SGCZ: variants seen among roughly 807,000 people sequenced by gnomAD.
The protein encoded by SGCZ is sarcoglycan zeta.
A neutral mutation model predicts 41.3 loss-of-function variants in SGCZ; 40 were observed. The observed-to-expected ratio is 0.97, with a 90% CI of 0.75 to 1.26. The LOEUF (loss-of-function observed/expected upper bound fraction) is 1.26, where lower values mean the gene tolerates loss of function less well. Ranked by LOEUF, SGCZ falls within the 50% of genes most tolerant of loss-of-function variation. SGCZ has a pLI of 0.00. For synonymous variants in SGCZ, 206 were observed against 137.5 expected, an observed-to-expected ratio of 1.50 and a Z score of -3.49; for missense variants, 552 against 369.8, an observed-to-expected ratio of 1.49 and a Z score of -4.04.
intron 5 of SGCZ, among the ~76,000 whole-genome samples, chr8:14,160,545 C>G (rs977943260): frequency 6.6e-6 from 1 of 152,114 alleles, no homozygotes; most frequent in African/African-American, 2.4e-5. Flanking sequence ...TTCAGTGATA[C>G]AGAGAGGACA....
intron 1 of SGCZ, among the ~76,000 whole-genome samples, chr8:14,621,750 C>T (rs934946697): frequency 9.2e-5 from 14 of 151,932 alleles, no homozygotes; most frequent in African/African-American, 3.4e-4. Context: ...TGGGGGAAAC[C>T]CACTCCCATG....
At chr8:14,690,065 G>C (rs1808749680) in intron 1 of SGCZ, among the ~76,000 whole-genome samples, 1 of 150,194 alleles carries the variant, frequency 6.7e-6, no homozygotes, top group African/African-American at 2.4e-5. Flanking sequence ...TTGAGAATGA[G>C]ACAAATTCGT....
chr8:14,232,524 A>G (rs1283639240), intron 4 of SGCZ, among the ~76,000 whole-genome samples: 1 of 152,062 alleles, frequency 6.6e-6, no homozygotes, highest in Non-Finnish European at 1.5e-5. Context: ...CTGAGGAAAA[A>G]CAGAAAATGA....
chr8:14,292,977 T>A (rs1037567737), intron 3 of SGCZ, among the ~76,000 whole-genome samples: 1 of 152,000 alleles, frequency 6.6e-6, no homozygotes, highest in Non-Finnish European at 1.5e-5. Context: ...AGTTTTTCAT[T>A]CTTATTTAGG....
intron 1 of SGCZ, among the ~76,000 whole-genome samples, chr8:14,689,396 T>C (rs1392903172): frequency 6.6e-6 from 1 of 152,182 alleles, no homozygotes; most frequent in Non-Finnish European, 1.5e-5. Context: ...AAGATGTATA[T>C]GTCAATAAAC....
intron 1 of SGCZ, among the ~76,000 whole-genome samples, chr8:14,596,888 T>C (rs552945058): frequency 3.3e-5 from 5 of 152,262 alleles, no homozygotes; most frequent in African/African-American, 1.2e-4. Flanking sequence ...ATATTCCATG[T>C]GTTTCTGTTA....
At chr8:14,367,520 A>G (rs544486766) in intron 2 of SGCZ, among the ~76,000 whole-genome samples, 1 of 152,244 alleles carries the variant, frequency 6.6e-6, no homozygotes, top group African/African-American at 2.4e-5. Flanking sequence ...CATGTTATAA[A>G]GAATAAGGGT....
intron 4 of SGCZ, among the ~76,000 whole-genome samples, chr8:14,235,433 C>T (rs1806720952): frequency 6.6e-6 from 1 of 152,302 alleles, no homozygotes; most frequent in Admixed American, 6.5e-5. Context: ...CTCAGCTTAA[C>T]ATTTTTTTCT....
chr8:15,004,507 A>G (rs1802532531), intron 1 of SGCZ, among the ~76,000 whole-genome samples: 1 of 152,182 alleles, frequency 6.6e-6, no homozygotes, highest in Non-Finnish European at 1.5e-5. Context: ...TGGGAATTTC[A>G]AGAAAAAATC....
chr8:14,106,425 C>T (rs1292506173), intron 6 of SGCZ, among the ~76,000 whole-genome samples: 2 of 152,042 alleles, frequency 1.3e-5, no homozygotes, highest in Admixed American at 1.3e-4. Context: ...TGTTGCTCTT[C>T]TAAAATAAGT....
chr8:14,801,462 A>G (rs57411432), intron 1 of SGCZ, among the ~76,000 whole-genome samples: 3,875 of 152,262 alleles, frequency 0.025, 172 homozygotes, highest in African/African-American at 0.089. Context: ...TGTAACAATA[A>G]TTTTCCTATT....
intron 2 of SGCZ, among the ~76,000 whole-genome samples, chr8:14,417,157 G>A (rs1175806498): frequency 6.6e-6 from 1 of 151,812 alleles, no homozygotes; most frequent in East Asian, 1.9e-4. Flanking sequence ...AGATAAAACT[G>A]ACAGTTTCTG....
At chr8:15,193,589 T>C (rs1391811268) in intron 1 of SGCZ, among the ~76,000 whole-genome samples, 2 of 151,928 alleles carry the variant, frequency 1.3e-5, no homozygotes, top group Non-Finnish European at 2.9e-5. Flanking sequence ...AACCAAGAGA[T>C]GGTAGAATAA....
intron 4 of SGCZ, among the ~76,000 whole-genome samples, chr8:14,204,013 T>C (rs908685586): frequency 7.2e-5 from 11 of 151,944 alleles, no homozygotes; most frequent in Non-Finnish European, 1.2e-4. Flanking sequence ...ATAATATTCA[T>C]AAATATATGG....
chr8:15,226,171 C>T (rs1801765669), intron 1 of SGCZ, among the ~76,000 whole-genome samples: 1 of 152,014 alleles, frequency 6.6e-6, no homozygotes, highest in Non-Finnish European at 1.5e-5. Context: ...CCTTGAAATC[C>T]TTCGGACCTA....
intron 2 of SGCZ, among the ~76,000 whole-genome samples, chr8:14,529,215 T>C (rs941635364): frequency 6.6e-6 from 1 of 152,172 alleles, no homozygotes; most frequent in African/African-American, 2.4e-5. Context: ...ATTTGAGCTT[T>C]AGTTTTTTCC....
chr8:14,886,383 G>A (rs535621381), intron 1 of SGCZ, among the ~76,000 whole-genome samples: 18 of 152,122 alleles, frequency 1.2e-4, no homozygotes, highest in African/African-American at 4.1e-4. Context: ...TTAGACAGAG[G>A]TGAAAGCTAA....
At chr8:15,176,630 T>TA (rs1363949214) in intron 1 of SGCZ, among the ~76,000 whole-genome samples, 2 of 152,164 alleles carry the variant, frequency 1.3e-5, no homozygotes, top group South Asian at 4.1e-4. Context: ...TAATTGAAAA[T>TA]ATATACTTAG....
In SGCZ at chr8:14,236,615, A is replaced by G. The variant is rs531869202; in HGVS notation, c.424+977T>C. ...AAAATAAGAATACCTCAGTCCTCAA[A>G]ATTGTAATTTACTTTTCTCTTTCCC... On this transcript the variant is annotated intron_variant, in intron 4 of 7. Coordinates refer to ENST00000382080, the MANE Select transcript of SGCZ (RefSeq NM_139167.4). 4.6e-5 allele frequency among the ~76,000 whole-genome samples: 7 copies of G among 151,588 alleles called. No individual in the cohort carries two copies. The South Asian group carries it at 1.5e-3, about 32-fold the overall frequency.
Sources: gnomAD v4.1 joint callset for allele counts (sites outside exome capture counted in the v4.1 genomes callset) on GRCh38, gnomAD v4.1.1 for gene constraint, MANE v1.5 for transcripts, NCBI Gene and HGNC (gene_info 2026-07-23, HGNC 2026-07-21) for gene names.